The following UST variants were observed in gnomAD, a reference collection of about 807,000 sequenced individuals.
UST encodes uronyl 2-sulfotransferase.
In UST, 21 loss-of-function variants were observed where a neutral mutation model predicts 45.6. The observed-to-expected ratio is 0.46, with a 90% CI of 0.33 to 0.66. The LOEUF is 0.66. UST is among the 30% of genes least tolerant of loss of function. The probability of loss-of-function intolerance (pLI) is 0.02; values close to 1 mark genes in which losing one functional copy is unlikely to be tolerated. For missense variants in UST, 463 were observed against 512.4 expected (o/e 0.90, Z 0.93); for synonymous variants, 215 against 200.6 (o/e 1.07, Z -0.61).
chr6:148,983,920 G>A (rs190222116), intron 5 of UST, among the ~76,000 whole-genome samples: 5 of 152,280 alleles, frequency 3.3e-5, no homozygotes, highest in African/African-American at 1.2e-4. Flanking sequence ...ACACATGCAT[G>A]TGTACAAACA....
intron 1 of UST, among the ~76,000 whole-genome samples, chr6:148,830,335 A>T (rs1355203166): frequency 6.6e-6 from 1 of 152,236 alleles, no homozygotes; most frequent in Non-Finnish European, 1.5e-5. Context: ...CATTTATAGT[A>T]TAACTAGTTT....
chr6:148,773,902 T>A (rs1016151421), intron 1 of UST, among the ~76,000 whole-genome samples: 5 of 152,204 alleles, frequency 3.3e-5, no homozygotes, highest in Non-Finnish European at 7.3e-5. Context: ...TATTCTTCCC[T>A]AAAATTGATC....
intron 1 of UST, among the ~76,000 whole-genome samples, chr6:148,884,188 G>A (rs944247582): frequency 2.8e-4 from 42 of 151,704 alleles, no homozygotes; most frequent in Non-Finnish European, 4.7e-4. Flanking sequence ...CTGGGCTAAT[G>A]TACTAGTAAT....
At chr6:149,023,675 C>G (rs968999137) in intron 7 of UST, among the ~76,000 whole-genome samples, 2 of 152,194 alleles carry the variant, frequency 1.3e-5, no homozygotes, top group African/African-American at 4.8e-5. Context: ...ACACACCATT[C>G]ACAGGATGCA....
intron 5 of UST, among the ~76,000 whole-genome samples, chr6:149,012,652 A>G (rs1480624377): frequency 6.6e-6 from 1 of 152,204 alleles, no homozygotes; most frequent in East Asian, 1.9e-4. Context: ...GATGAGCTAT[A>G]AGAAGTCCAA....
chr6:149,032,592 T>G (rs954953545), intron 7 of UST: 1 of 153,894 alleles, frequency 6.5e-6, no homozygotes, highest in Non-Finnish European at 1.4e-5. Flanking sequence ...CACCATCCTC[T>G]GCTCTTCCTG....
chr6:148,908,663 T>C (rs1779414355), intron 2 of UST, among the ~76,000 whole-genome samples: 1 of 152,228 alleles, frequency 6.6e-6, no homozygotes, highest in African/African-American at 2.4e-5. Context: ...AAATTCTCTT[T>C]TTAACTCTGT....
intron 1 of UST, among the ~76,000 whole-genome samples, chr6:148,794,786 C>A (rs1227853644): frequency 6.6e-6 from 1 of 152,134 alleles, no homozygotes; most frequent in Non-Finnish European, 1.5e-5. Flanking sequence ...TCATTTGAGG[C>A]CCTTAAATAC....
chr6:148,799,379 G>A (rs1481116403), intron 1 of UST, among the ~76,000 whole-genome samples: 1 of 152,190 alleles, frequency 6.6e-6, no homozygotes, highest in Admixed American at 6.5e-5. Context: ...GCAACTGTGT[G>A]CTTTCCTTTG....
intron 5 of UST, among the ~76,000 whole-genome samples, chr6:148,980,882 A>G (rs1254609934): frequency 6.6e-6 from 1 of 151,710 alleles, no homozygotes; most frequent in Non-Finnish European, 1.5e-5. Context: ...ACCACGCCTG[A>G]CTAATTTTTG....
intron 1 of UST, among the ~76,000 whole-genome samples, chr6:148,879,670 G>A (rs1449859070): frequency 6.6e-6 from 1 of 152,238 alleles, no homozygotes; most frequent in Non-Finnish European, 1.5e-5. Flanking sequence ...GCTACTTGTA[G>A]TAGTGCAGCT....
chr6:148,961,773 T>C (rs953183944), intron 4 of UST, among the ~76,000 whole-genome samples: 5 of 152,168 alleles, frequency 3.3e-5, no homozygotes, highest in Admixed American at 6.5e-5. Context: ...AATGAAATCA[T>C]GAGTGAGCAA....
intron 5 of UST, among the ~76,000 whole-genome samples, chr6:148,966,962 T>C (rs987173820): frequency 2.0e-5 from 3 of 152,316 alleles, no homozygotes; most frequent in African/African-American, 4.8e-5. Flanking sequence ...GGTCTCGAAC[T>C]CCTGACCTAA....
At chr6:148,996,364 A>C (rs1350933365) in intron 5 of UST, among the ~76,000 whole-genome samples, 1 of 152,122 alleles carries the variant, frequency 6.6e-6, no homozygotes, top group Non-Finnish European at 1.5e-5. Flanking sequence ...GACTACAGGC[A>C]CTTGCCACCA....
intron 2 of UST, among the ~76,000 whole-genome samples, chr6:148,914,194 A>G (rs551584081): frequency 1.3e-5 from 2 of 152,216 alleles, no homozygotes; most frequent in South Asian, 4.1e-4. Context: ...GGAGATACAT[A>G]AGGTTTGGTT....
At chr6:148,776,626 A>G (rs983946701) in intron 1 of UST, among the ~76,000 whole-genome samples, 1 of 152,224 alleles carries the variant, frequency 6.6e-6, no homozygotes, top group Non-Finnish European at 1.5e-5. Context: ...ATAGCATGGA[A>G]TGAAGAGCTC....
chr6:148,809,948 T>G (rs4598105), intron 1 of UST, among the ~76,000 whole-genome samples: 38,356 of 152,130 alleles, frequency 0.25, 6,124 homozygotes, highest in African/African-American at 0.44. Flanking sequence ...TGCAACAGTA[T>G]CATGTACAGA....
At chr6:148,770,889 A>G (rs958588656) in intron 1 of UST, among the ~76,000 whole-genome samples, 13 of 152,180 alleles carry the variant, frequency 8.5e-5, no homozygotes, top group Admixed American at 7.9e-4. Context: ...TCAGCAAAAT[A>G]CTGAAATATT....
At chr6:149,067,749 A>T (rs577737423) in intron 7 of UST, among the ~76,000 whole-genome samples, 2 of 152,322 alleles carry the variant, frequency 1.3e-5, no homozygotes, top group East Asian at 1.9e-4. Context: ...TCTGAGTGAA[A>T]TCATAAGAGC....
Sources: allele counts gnomAD v4.1 joint callset (sites outside exome capture counted in the v4.1 genomes callset), GRCh38; gene constraint gnomAD v4.1.1; transcripts MANE v1.5; gene names NCBI Gene and HGNC (gene_info 2026-07-23, HGNC 2026-07-21).